The following RGS5 variants were observed in gnomAD, a reference collection of about 807,000 sequenced individuals.
RGS5 encodes regulator of G protein signaling 5, also known as regulator of G-protein signalling 5.
A neutral mutation model predicts 18.9 loss-of-function variants in RGS5; 20 were observed. The observed-to-expected ratio is 1.06, with a 90% confidence interval of 0.74 to 1.54. RGS5 has a LOEUF of 1.54. RGS5 is among the 40% of genes most tolerant of loss of function. The probability of loss-of-function intolerance (pLI) is 0.00; values close to 1 mark genes in which losing one functional copy is unlikely to be tolerated. For synonymous variants in RGS5, 57 were observed against 76.2 expected (o/e 0.75, Z 1.31); for missense variants, 201 against 211.8 (o/e 0.95, Z 0.32).
chr1:163,277,304 A>C (rs548914665), intron 2 of RGS5, among the ~76,000 whole-genome samples: 1 of 152,310 alleles, frequency 6.6e-6, no homozygotes, highest in Admixed American at 6.5e-5. Context: ...GTCTCTCTAA[A>C]ATGCATAAAA....
At chr1:163,171,343 T>A (rs1658287659) in intron 1 of RGS5, among the ~76,000 whole-genome samples, 1 of 152,134 alleles carries the variant, frequency 6.6e-6, no homozygotes, top group South Asian at 2.1e-4. Flanking sequence ...TCCCACCCAG[T>A]CCGTGAAAAC....
chr1:163,181,985 T>A (rs901500970), intron 1 of RGS5, among the ~76,000 whole-genome samples: 4 of 152,188 alleles, frequency 2.6e-5, no homozygotes, highest in African/African-American at 7.2e-5. Flanking sequence ...TATGTTGCGA[T>A]GCTAAATAAG....
intron 1 of RGS5, among the ~76,000 whole-genome samples, chr1:163,313,299 T>A (rs1213613193): frequency 6.6e-6 from 1 of 152,224 alleles, no homozygotes; most frequent in Non-Finnish European, 1.5e-5. Context: ...TAGTTAATAC[T>A]AACTCTAGGA....
chr1:163,169,377 C>A (rs1199311486), intron 1 of RGS5, among the ~76,000 whole-genome samples: 1 of 152,128 alleles, frequency 6.6e-6, no homozygotes, highest in Non-Finnish European at 1.5e-5. Flanking sequence ...GGTATATACC[C>A]AGTAATAGGA....
intron 1 of RGS5, among the ~76,000 whole-genome samples, chr1:163,195,544 A>G (rs1659529371): frequency 6.6e-6 from 1 of 152,134 alleles, no homozygotes; most frequent in Non-Finnish European, 1.5e-5. Flanking sequence ...TCATGTAACC[A>G]AACATCAACT....
At chr1:163,235,729 G>A (rs1647605231) in intron 2 of RGS5, among the ~76,000 whole-genome samples, 1 of 152,150 alleles carries the variant, frequency 6.6e-6, no homozygotes. Context: ...CTTTCATTTT[G>A]TAGTATCTCT....
At chr1:163,261,438 T>A (rs767071254) in intron 2 of RGS5, among the ~76,000 whole-genome samples, 1 of 152,134 alleles carries the variant, frequency 6.6e-6, no homozygotes, top group African/African-American at 2.4e-5. Flanking sequence ...GAAAACTAGG[T>A]CCATCCTCTG....
intron 1 of RGS5, among the ~76,000 whole-genome samples, chr1:163,315,330 T>C (rs2101652916): frequency 6.6e-6 from 1 of 152,192 alleles, no homozygotes; most frequent in Non-Finnish European, 1.5e-5. Flanking sequence ...GCCAAGACAG[T>C]AGGACTGCCT....
chr1:163,216,923 A>G (rs144096411), intron 1 of RGS5, among the ~76,000 whole-genome samples: 2 of 152,302 alleles, frequency 1.3e-5, no homozygotes, highest in East Asian at 3.9e-4. Context: ...TTGGCTTCAT[A>G]AACTCCACTG....
At chr1:163,277,977 G>A (rs1325299302) in intron 2 of RGS5, among the ~76,000 whole-genome samples, 6 of 150,766 alleles carry the variant, frequency 4.0e-5, no homozygotes, top group African/African-American at 1.5e-4. Flanking sequence ...CAGACAAAAA[G>A]AAAAAATAAA....
intron 1 of RGS5, among the ~76,000 whole-genome samples, chr1:163,311,310 C>T (rs1649855259): frequency 6.6e-6 from 1 of 152,216 alleles, no homozygotes; most frequent in South Asian, 2.1e-4. Flanking sequence ...CTCAAACTTT[C>T]TCCATATCAG....
upstream of RGS5, chr1:163,203,251 G>C (rs187071795): frequency 1.3e-5 from 2 of 155,298 alleles, no homozygotes; most frequent in African/African-American, 4.8e-5. Flanking sequence ...ACTTCAGATC[G>C]GTCAAAGTCA....
intron 1 of RGS5, among the ~76,000 whole-genome samples, chr1:163,181,328 C>A (rs1360999212): frequency 2.0e-5 from 3 of 152,182 alleles, no homozygotes; most frequent in Non-Finnish European, 4.4e-5. Context: ...CCCTCCACCT[C>A]TATGCCAGTT....
chr1:163,302,688 C>T (rs1649583182), intron 2 of RGS5, among the ~76,000 whole-genome samples: 1 of 152,188 alleles, frequency 6.6e-6, no homozygotes, highest in African/African-American at 2.4e-5. Context: ...AAACCACAGT[C>T]AAACCAAATG....
At position 163,152,598 on chromosome 1, in the gene RGS5, C is replaced by A. The variant is rs190048374; in HGVS notation, c.336G>T (p.Lys112Asn). Residue 112 changes from lysine (K) to asparagine (N), a missense_variant, in exon 4 of 5, where the codon AAG becomes AAT. By Grantham distance (94) the Lys-to-Asn change is moderately conservative. Coordinates refer to ENST00000313961, the MANE Select transcript of RGS5 (RefSeq NM_003617.4). ...KIKSPAKMAE[K>N]AKQIYEEFIQ... ...TGAATTCTTCATAAATTTGCTTTGC[C>A]TTCTCAGCCATCTTGGCAGGGGACT... is the stretch of plus-strand genomic sequence containing the variant. 6 of 1,612,856 alleles carry A rather than the reference C, an allele frequency of 3.7e-6. No individual in the cohort carries two copies. The East Asian group carries it at 1.1e-4, about 30-fold the overall frequency.
intron 3 of RGS5, among the ~76,000 whole-genome samples, chr1:163,154,310 T>C (rs1657501709): frequency 6.6e-6 from 1 of 152,146 alleles, no homozygotes; most frequent in Admixed American, 6.6e-5. Context: ...ATTTACCTCC[T>C]GTATATTTTT....
At chr1:163,209,226 C>T (rs951542927) in intron 1 of RGS5, among the ~76,000 whole-genome samples, 2 of 152,162 alleles carry the variant, frequency 1.3e-5, no homozygotes, top group African/African-American at 4.8e-5. Context: ...GTATCTTACA[C>T]TAAATTTCCA....
At chr1:163,254,460 T>A (rs1189210366) in intron 2 of RGS5, among the ~76,000 whole-genome samples, 1 of 151,402 alleles carries the variant, frequency 6.6e-6, no homozygotes, top group African/African-American at 2.4e-5. Context: ...TTTTGAGAAG[T>A]GTCTGTTTAT....
At chr1:163,279,459 A>G (rs1648937188) in intron 2 of RGS5, among the ~76,000 whole-genome samples, 1 of 152,000 alleles carries the variant, frequency 6.6e-6, no homozygotes, top group African/African-American at 2.4e-5. Context: ...AAATTTTAAA[A>G]ATGTATTGAA....
Sources: gnomAD v4.1 joint callset for allele counts (sites outside exome capture counted in the v4.1 genomes callset) on GRCh38, gnomAD v4.1.1 for gene constraint, MANE v1.5 for transcripts, NCBI Gene and HGNC (gene_info 2026-07-23, HGNC 2026-07-21) for gene names.